The following LRBA variants were observed in gnomAD, a reference collection of about 807,000 sequenced individuals.
LRBA encodes LPS responsive beige-like anchor protein.
A neutral mutation model predicts 330.0 loss-of-function variants in LRBA; 176 were observed. That is an observed-to-expected ratio of 0.53 (90% CI 0.47 to 0.60). LRBA has a LOEUF of 0.60. Among genes scored for constraint, LRBA ranks in the 20% least tolerant of loss-of-function variants. LRBA has a pLI of 0.00. For missense variants in LRBA, 3,259 were observed against 3,444.8 expected (o/e 0.95, Z 1.35); for synonymous variants, 1,230 against 1,193.0 (o/e 1.03, Z -0.64).
In LRBA at chr4:150,831,855, G is replaced by C. The variant is rs772834399; in HGVS notation, c.4691C>G (p.Thr1564Arg). 3 of 1,602,360 alleles carry C rather than the reference G, an allele frequency of 1.9e-6. No homozygotes were observed. Among genetic ancestry groups the C allele is most frequent in the Non-Finnish European group, 2.6e-6 (3 of 1,174,780 alleles). The change falls in exon 29 of 57, where the codon ACA (threonine) becomes AGA (arginine). Residue 1564 changes from threonine (T) to arginine (R), a missense_variant. By Grantham distance (71) the Thr-to-Arg change is moderately conservative (BLOSUM62 -1). Transcript: ENST00000651943. Reference sequence around the variant, plus strand: ...ATTCTCATTTTCACTGCCAGTTTCTGTACATGACTGGCTATGCCTTTCATT... The same window carrying C: ...ATTCTCATTTTCACTGCCAGTTTCTCTACATGACTGGCTATGCCTTTCATT... ...PQNERHSQSC[T>R]ETGSENENVS...
chr4:150,406,659 A>G (rs924667458), intron 47 of LRBA, among the ~76,000 whole-genome samples: 3 of 152,242 alleles, frequency 2.0e-5, no homozygotes, highest in Admixed American at 1.3e-4. Context: ...TTATAAACAT[A>G]TATGCACTGT....
At chr4:150,961,210 C>T (rs936256699) in intron 2 of LRBA, among the ~76,000 whole-genome samples, 1 of 149,238 alleles carries the variant, frequency 6.7e-6, no homozygotes, top group African/African-American at 2.6e-5. Context: ...CAGGCTCAAA[C>T]AGGTGGGGGA....
At chr4:150,394,653 A>G (rs1301775217) in intron 47 of LRBA, among the ~76,000 whole-genome samples, 3 of 152,326 alleles carry the variant, frequency 2.0e-5, no homozygotes, top group Admixed American at 6.5e-5. Context: ...CTAAAGTGAG[A>G]TTTAATTTGC....
At chr4:150,317,861 T>C (rs1459283522) in intron 50 of LRBA, among the ~76,000 whole-genome samples, 2 of 152,170 alleles carry the variant, frequency 1.3e-5, no homozygotes, top group Non-Finnish European at 2.9e-5. Context: ...GATTGAACCA[T>C]ATGAAATTGC....
chr4:150,354,978 T>G (rs901313039), intron 47 of LRBA, among the ~76,000 whole-genome samples: 10 of 151,892 alleles, frequency 6.6e-5, no homozygotes, highest in Admixed American at 4.6e-4. Flanking sequence ...GTGTGCATGT[T>G]TAGCAAATCT....
At chr4:150,782,006 C>G (rs915575520) in intron 34 of LRBA, among the ~76,000 whole-genome samples, 1 of 152,118 alleles carries the variant, frequency 6.6e-6, no homozygotes, top group African/African-American at 2.4e-5. Context: ...CCCCTGGGTT[C>G]AAGCGATCCT....
At chr4:150,619,908 T>C (rs1776131943) in intron 37 of LRBA, among the ~76,000 whole-genome samples, 1 of 151,768 alleles carries the variant, frequency 6.6e-6, no homozygotes, top group Non-Finnish European at 1.5e-5. Context: ...TAGACTGGAG[T>C]TCTTACAGGA....
At chr4:150,279,853 G>A (rs944076401) in intron 55 of LRBA, among the ~76,000 whole-genome samples, 1 of 152,146 alleles carries the variant, frequency 6.6e-6, no homozygotes, top group Admixed American at 6.5e-5. Flanking sequence ...TGGAGACTAG[G>A]ACAAACAATT....
chr4:150,647,374 T>TTTTTTTTA (rs1309894163), intron 37 of LRBA, among the ~76,000 whole-genome samples: 1 of 143,160 alleles, frequency 7.0e-6, no homozygotes, highest in Non-Finnish European at 1.5e-5. Flanking sequence ...TTTTTTTTTT[T>TTTTTTTTA]TGAGACAGGG....
chr4:150,598,326 T>C (rs1385145689), intron 38 of LRBA, among the ~76,000 whole-genome samples: 1 of 152,130 alleles, frequency 6.6e-6, no homozygotes, highest in Non-Finnish European at 1.5e-5. Context: ...ATTTATAGTA[T>C]CAAATCCAAA....
intron 2 of LRBA, among the ~76,000 whole-genome samples, chr4:150,975,301 G>A (rs1320127181): frequency 6.6e-6 from 1 of 152,166 alleles, no homozygotes; most frequent in Non-Finnish European, 1.5e-5. Context: ...AGCCAAGGCG[G>A]GTGGGATCAC....
At position 150,716,113 on chromosome 4, in the gene LRBA, CA is replaced by C. The variant is rs201372624; in HGVS notation, c.5754+19144del. Among the ~76,000 whole-genome samples the C allele has an allele frequency of 1.9e-3, 282 of 147,894 alleles. 1 individual carries two copies. The highest frequency in any genetic ancestry group is 8.6e-3 in the East Asian group (44 of 5,092). ...TTCATCAACAAAGCCTTGATAACAA[CA>C]AAAAAAAAAATCACTTACAGTGTAT... On this transcript the variant is annotated intron_variant, in intron 36 of 56. Coordinates refer to ENST00000651943, the MANE Select transcript of LRBA (RefSeq NM_001364905.1).
rs570979120 is a variant in LRBA, at chr4:150,590,911, G to A, written c.6047-52C>T. ...CCATCAGTTCTGGGAAGAGCACTTC[G>A]GCAGAGGGGTAGGGGCTTAGGTAAG... is the stretch of plus-strand genomic sequence containing the variant. On this transcript the variant is annotated intron_variant, in intron 38 of 56. Coordinates refer to ENST00000651943, the MANE Select transcript of LRBA (RefSeq NM_001364905.1). The A allele has an allele frequency of 1.3e-5, 20 of 1,586,006 alleles. No individual in the cohort carries two copies. In the East Asian group the frequency reaches 2.9e-4, roughly 23 times the overall value.
chr4:150,988,928 C>T (rs1176742172), intron 2 of LRBA, among the ~76,000 whole-genome samples: 4 of 151,682 alleles, frequency 2.6e-5, no homozygotes, highest in Admixed American at 6.6e-5. Context: ...TTTTTATTGG[C>T]TGTTTATAAA....
Position 150,750,306 on chromosome 4 carries a change from G to T in LRBA, c.5645+11477C>A, listed in dbSNP as rs72738343. ...ATTCCAGAATAGTACCTGGCACATGGATTATAATCAATAAATGGATACTGA... is the reference window on the plus strand; with the variant it reads ...ATTCCAGAATAGTACCTGGCACATGTATTATAATCAATAAATGGATACTGA... On this transcript the variant is annotated intron_variant, in intron 35 of 56. Transcript: ENST00000651943. Among the ~76,000 whole-genome samples the T allele has an allele frequency of 1.6e-3, 241 of 152,188 alleles. 1 individual carries two copies. The highest frequency in any genetic ancestry group is 3.5e-3 in the Admixed American group (54 of 15,272).
rs1729333761 is a variant in LRBA, at chr4:150,724,110, T to C, written c.5754+11148A>G. The stretch of plus-strand genomic sequence containing the variant: ...TGGCTCCCAGACAGCACTTTGGACA[T>C]TCCCGGAGCCTGTGGGAACTCACGG... On this transcript the variant is annotated intron_variant, in intron 36 of 56. Transcript: ENST00000651943. Among the ~76,000 whole-genome samples the C allele has an allele frequency of 2.0e-5, 3 of 152,208 alleles. No individual in the cohort carries two copies. The South Asian group carries it at 6.2e-4, about 32-fold the overall frequency.
At chr4:151,010,240 T>C (rs1404226664) in intron 2 of LRBA, among the ~76,000 whole-genome samples, 2 of 152,150 alleles carry the variant, frequency 1.3e-5, no homozygotes, top group Admixed American at 6.5e-5. Flanking sequence ...ATCACTATTC[T>C]TGAATTAGGT....
At chr4:150,463,182 T>A (rs764234662) in intron 44 of LRBA, among the ~76,000 whole-genome samples, 58 of 151,984 alleles carry the variant, frequency 3.8e-4, no homozygotes, top group Non-Finnish European at 6.5e-4. Context: ...TCCATTCTCA[T>A]GAACCTGAAT....
intron 37 of LRBA, among the ~76,000 whole-genome samples, chr4:150,646,649 A>G (rs1368191595): frequency 6.6e-6 from 1 of 152,156 alleles, no homozygotes; most frequent in Non-Finnish European, 1.5e-5. Context: ...CAGGTAGGAC[A>G]TTATGCTATC....
Sources: gnomAD v4.1 joint callset for allele counts (sites outside exome capture counted in the v4.1 genomes callset) on GRCh38, gnomAD v4.1.1 for gene constraint, MANE v1.5 for transcripts, NCBI Gene and HGNC (gene_info 2026-07-23, HGNC 2026-07-21) for gene names.